LPAR1: variants seen among roughly 807,000 people sequenced by gnomAD.
LPAR1 encodes lysophosphatidic acid receptor 1.
Under a neutral mutation model 23.8 loss-of-function variants are expected in LPAR1, and 5 were observed. That is an observed-to-expected ratio of 0.21 (90% CI 0.11 to 0.44). LPAR1 has a LOEUF of 0.44. LPAR1 is among the 20% of genes least tolerant of loss of function. The pLI is 0.99. For synonymous variants in LPAR1, 160 were observed against 164.7 expected (o/e 0.97, Z 0.22); for missense variants, 311 against 482.8 (o/e 0.64, Z 3.33).
chr9:110,901,186 T>C (rs1042178851), intron 5 of LPAR1, among the ~76,000 whole-genome samples: 1 of 152,150 alleles, frequency 6.6e-6, no homozygotes, highest in African/African-American at 2.4e-5. Context: ...GCCTGTGAAG[T>C]TAAGCTTGGT....
chr9:110,904,253 T>C (rs889130999), intron 5 of LPAR1, among the ~76,000 whole-genome samples: 2 of 152,164 alleles, frequency 1.3e-5, no homozygotes, highest in Non-Finnish European at 2.9e-5. Context: ...CTACATACGA[T>C]AGATGATCCT....
At chr9:110,982,499 A>T (rs746592420) in intron 2 of LPAR1, among the ~76,000 whole-genome samples, 46 of 152,170 alleles carry the variant, frequency 3.0e-4, no homozygotes, top group Middle Eastern at 3.4e-3. Flanking sequence ...TAGGGGAGGG[A>T]TAGCATTAGG....
chr9:110,940,258 A>G (rs550303140), intron 5 of LPAR1, among the ~76,000 whole-genome samples: 89 of 152,310 alleles, frequency 5.8e-4, no homozygotes, highest in South Asian at 2.3e-3. Flanking sequence ...CCTAACCAAA[A>G]CAGACGAGAC....
At position 110,972,134 on chromosome 9, in the gene LPAR1, TA is replaced by T; in HGVS notation, c.-18del. The T allele has an allele frequency of 6.2e-7, 1 of 1,613,598 alleles. No homozygotes were observed. Among genetic ancestry groups the T allele is most frequent in the Non-Finnish European group, 8.5e-7 (1 of 1,179,558 alleles). ...GGCAGCCATGACAGCTCTGTGGTTGTAGGTGGTGAACACGCCCCAGAACTAC... is the reference window on the plus strand; with the variant it reads ...GGCAGCCATGACAGCTCTGTGGTTGTGGTGGTGAACACGCCCCAGAACTAC... On this transcript the variant is annotated 5_prime_UTR_variant, in exon 4 of 6. Coordinates refer to ENST00000683809, the MANE Select transcript of LPAR1 (RefSeq NM_001351411.2).
At chr9:110,876,274 T>C (rs1484289185) in intron 5 of LPAR1, among the ~76,000 whole-genome samples, 1 of 152,234 alleles carries the variant, frequency 6.6e-6, no homozygotes, top group African/African-American at 2.4e-5. Flanking sequence ...AGGTTTGTTG[T>C]ATGGATTAAA....
At chr9:110,991,058 C>T (rs1282289618) in intron 2 of LPAR1, among the ~76,000 whole-genome samples, 1 of 152,160 alleles carries the variant, frequency 6.6e-6, no homozygotes, top group Non-Finnish European at 1.5e-5. Context: ...ATTCATACCT[C>T]ATACCATATA....
chr9:110,941,711 A>G lies in LPAR1; in HGVS notation c.503T>C (p.Ile168Thr), dbSNP rs755439817. The change falls in exon 5 of 6, where the codon ATT (isoleucine) becomes ACT (threonine). Residue 168 changes from isoleucine (I) to threonine (T), a missense_variant. By Grantham distance (89) the Ile-to-Thr change is moderately conservative (BLOSUM62 -1). Coordinates refer to ENST00000683809, the MANE Select transcript of LPAR1 (RefSeq NM_001351411.2). This position sits in a 1 kb window ranked among gnomAD's most constrained non-coding sequence, Gnocchi z 6.1. ...GATGGCCATAGTCCAGATGACCACA[A>G]TGACCACCACTACCCGCCGGTTGCT... ...RMSNRRVVVV[I>T]VVIWTMAIVM... The G allele has an allele frequency of 1.2e-6, 2 of 1,614,170 alleles. No individual in the cohort carries two copies. The highest frequency in any genetic ancestry group is 1.7e-6 in the Non-Finnish European group (2 of 1,180,004).
intron 2 of LPAR1, among the ~76,000 whole-genome samples, chr9:111,015,004 T>A (rs1398341028): frequency 3.3e-5 from 5 of 152,040 alleles, no homozygotes; most frequent in Non-Finnish European, 7.3e-5. Flanking sequence ...TAATCCAATA[T>A]GACTAGGGTC....
intron 5 of LPAR1, among the ~76,000 whole-genome samples, chr9:110,930,392 C>T (rs1303253667): frequency 6.6e-6 from 1 of 151,666 alleles, no homozygotes; most frequent in Non-Finnish European, 1.5e-5. Context: ...GCCTGTAATC[C>T]CAGCTGCTCG....
chr9:110,972,102 T>C lies in LPAR1; in HGVS notation c.16A>G (p.Thr6Ala). The part of the protein sequence containing the change: MAAIS[T>A]SIPVISQPQF... ...GGCTGTGAAATTACAGGGATGGAAG[T>C]AGAGATGGCAGCCATGACAGCTCTG... is the stretch of plus-strand genomic sequence containing the variant. The change falls in exon 4 of 6, where the codon ACT becomes GCT. Residue 6 changes from threonine to alanine, a missense_variant. By Grantham distance (58) the Thr-to-Ala change is moderately conservative. Coordinates refer to ENST00000683809, the MANE Select transcript of LPAR1 (RefSeq NM_001351411.2). 1.9e-6 allele frequency: 3 copies of C among 1,613,916 alleles called. No homozygotes were observed. The South Asian group carries it at 3.3e-5, about 18-fold the overall frequency.
chr9:110,991,028 T>A (rs1279143281), intron 2 of LPAR1, among the ~76,000 whole-genome samples: 1 of 152,064 alleles, frequency 6.6e-6, no homozygotes, highest in Non-Finnish European at 1.5e-5. Context: ...AGCAAAAATA[T>A]AAACTGAAAA....
intron 4 of LPAR1, among the ~76,000 whole-genome samples, chr9:110,950,176 A>G (rs2095523996): frequency 1.3e-5 from 2 of 152,012 alleles, no homozygotes; most frequent in Non-Finnish European, 2.9e-5. Context: ...AAACAGAAAC[A>G]AGGACAGGCG....
At chr9:110,875,846 C>T in intron 5 of LPAR1, 124 bp from the exon 6 acceptor site, 2 of 495,042 alleles carry the variant, frequency 4.0e-6, no homozygotes, top group Non-Finnish European at 6.8e-6. Flanking sequence ...TTGGAAGCCA[C>T]CATTGTCGCA....
intron 4 of LPAR1, among the ~76,000 whole-genome samples, chr9:110,952,931 G>A (rs1353324435): frequency 1.3e-5 from 2 of 152,264 alleles, no homozygotes; most frequent in East Asian, 1.9e-4. Context: ...ACTGGCACCT[G>A]AGCACACTTC....
chr9:111,027,489 A>G (rs138445508), intron 2 of LPAR1, among the ~76,000 whole-genome samples: 1,631 of 152,284 alleles, frequency 0.011, 18 homozygotes, highest in Middle Eastern at 0.031. Context: ...TGACAGAACA[A>G]GACATGGTCT....
intron 4 of LPAR1, among the ~76,000 whole-genome samples, chr9:110,966,176 G>A (rs2096212511): frequency 6.6e-6 from 1 of 151,990 alleles, no homozygotes. Flanking sequence ...CCTATTGTAT[G>A]CGGGCTTAAA....
intron 2 of LPAR1, among the ~76,000 whole-genome samples, chr9:111,025,504 C>T (rs1018265293): frequency 8.5e-5 from 13 of 152,192 alleles, no homozygotes; most frequent in African/African-American, 3.1e-4. Flanking sequence ...GTTGCCTGTT[C>T]ACTCTGATGA....
In LPAR1 at chr9:111,023,139, A is replaced by G. The variant is rs184058273; in HGVS notation, c.-182+12983T>C. On this transcript the variant is annotated intron_variant, in intron 2 of 5. Coordinates refer to ENST00000683809, the MANE Select transcript of LPAR1 (RefSeq NM_001351411.2). ...CAAAACTACTTCAACAAACACCAAC[A>G]CCCATCTCCCCCAAAAAATCCTTGA... Among the ~76,000 whole-genome samples the G allele has an allele frequency of 6.4e-3, 974 of 151,076 alleles. 5 individuals are homozygous for G. Among genetic ancestry groups the G allele is most frequent in the Admixed American group, 0.011 (160 of 15,148 alleles).
chr9:110,983,098 T>C (rs1006882121), intron 2 of LPAR1, among the ~76,000 whole-genome samples: 6 of 152,040 alleles, frequency 3.9e-5, no homozygotes, highest in African/African-American at 1.2e-4. Context: ...GAAAACAGTA[T>C]AGAGGTTCCT....
Sources: allele counts gnomAD v4.1 joint callset (sites outside exome capture counted in the v4.1 genomes callset), GRCh38; gene constraint gnomAD v4.1.1; non-coding constraint Gnocchi (gnomAD v3.1); transcripts MANE v1.5; gene names NCBI Gene and HGNC (gene_info 2026-07-23, HGNC 2026-07-21).